The following PARD3B variants were observed in gnomAD, a reference collection of about 807,000 sequenced individuals.
The protein encoded by PARD3B is par-3 family cell polarity regulator beta.
In PARD3B, 103 loss-of-function variants were observed where a neutral mutation model predicts 130.2. The observed-to-expected ratio is 0.79, with a 90% CI of 0.67 to 0.93. The LOEUF is 0.93. Among genes scored for constraint, PARD3B ranks in the 40% least tolerant of loss-of-function variants. The pLI, the probability that PARD3B is intolerant of heterozygous loss-of-function variation, is 0.00. For missense variants in PARD3B, 1,609 were observed against 1,499.2 expected (o/e 1.07, Z -1.21); for synonymous variants, 583 against 553.2 (o/e 1.05, Z -0.76).
At chr2:204,884,811 T>C (rs989443845) in intron 2 of PARD3B, among the ~76,000 whole-genome samples, 1 of 152,248 alleles carries the variant, frequency 6.6e-6, no homozygotes, top group Admixed American at 6.5e-5. Flanking sequence ...GGACATTATC[T>C]CATTCCTTTT....
rs571551815 is a variant in PARD3B at position 205,341,816 on chromosome 2, A to G, written c.2630+40115A>G. On this transcript the variant is annotated intron_variant, in intron 18 of 22. Coordinates refer to ENST00000406610, the MANE Select transcript of PARD3B (RefSeq NM_001302769.2). The surrounding 1 kb of genome is among the most constrained non-coding windows in gnomAD (Gnocchi z 4.3). ...TTGTCATTATACATTATATGTGCAT[A>G]TTAAAATATCACTCTGTATTACTCC... 6.6e-6 allele frequency among the ~76,000 whole-genome samples: 1 copy of G among 152,290 alleles called. No homozygotes were observed. The highest frequency in any genetic ancestry group is 6.5e-5 in the Admixed American group (1 of 15,304).
At chr2:204,826,741 T>A (rs1262041014) in intron 2 of PARD3B, among the ~76,000 whole-genome samples, 2 of 152,212 alleles carry the variant, frequency 1.3e-5, no homozygotes, top group Non-Finnish European at 2.9e-5. Flanking sequence ...CATTCTCGGC[T>A]GGGCATGGTG....
chr2:205,607,241 A>G (rs2055034782), intron 22 of PARD3B, among the ~76,000 whole-genome samples: 1 of 99,200 alleles, frequency 1.0e-5, no homozygotes, highest in Non-Finnish European at 2.6e-5. Flanking sequence ...ACCCATTGGA[A>G]AAAAAAAAAA....
chr2:205,088,863 A>G (rs10193412), intron 4 of PARD3B, among the ~76,000 whole-genome samples: 149,487 of 151,286 alleles, frequency 0.99, 73,885 homozygotes, highest in Middle Eastern at 1. Context: ...GCCTGATCTC[A>G]GCTCACTGCA....
chr2:205,533,449 A>AATG (rs1262531658), intron 21 of PARD3B, among the ~76,000 whole-genome samples: 1 of 152,198 alleles, frequency 6.6e-6, no homozygotes, highest in Admixed American at 6.5e-5. Context: ...AATTCAAAAT[A>AATG]ATGAATTTGG....
intron 21 of PARD3B, among the ~76,000 whole-genome samples, chr2:205,520,312 G>C (rs6718071): frequency 0.41 from 62,302 of 151,980 alleles, 13,250 homozygotes; most frequent in Admixed American, 0.5. Flanking sequence ...AAACATGGGA[G>C]ATGGACTGTC....
intron 1 of PARD3B, among the ~76,000 whole-genome samples, chr2:204,582,525 T>C (rs936145945): frequency 6.6e-6 from 1 of 152,084 alleles, no homozygotes; most frequent in African/African-American, 2.4e-5. Flanking sequence ...TTTCACACTA[T>C]TAAAAGAGTG....
chr2:205,405,444 G>T lies in PARD3B; in HGVS notation c.2741+4321G>T, dbSNP rs1405994955. On this transcript the variant is annotated intron_variant, in intron 19 of 22. Coordinates refer to ENST00000406610, the MANE Select transcript of PARD3B (RefSeq NM_001302769.2). This position sits in a 1 kb window ranked among gnomAD's most constrained non-coding sequence, Gnocchi z 4.1. ...ATCTCCAGGCTTCACAAAGAGCAAG[G>T]TACTCTCCTAGACATCAGAATTGCA... 2.0e-5 allele frequency among the ~76,000 whole-genome samples: 3 copies of T among 152,072 alleles called. No individual in the cohort carries two copies. Among genetic ancestry groups the T allele is most frequent in the Non-Finnish European group, 4.4e-5 (3 of 68,030 alleles).
chr2:205,002,209 T>A (rs1694900884), intron 3 of PARD3B, among the ~76,000 whole-genome samples: 1 of 152,118 alleles, frequency 6.6e-6, no homozygotes, highest in Non-Finnish European at 1.5e-5. Context: ...CATAAATAAG[T>A]TTTGGCCGTC....
At chr2:205,504,381 A>G (rs571355300) in intron 21 of PARD3B, among the ~76,000 whole-genome samples, 2 of 151,696 alleles carry the variant, frequency 1.3e-5, no homozygotes, top group Non-Finnish European at 2.9e-5. Context: ...ACAAAAGCCA[A>G]CATTGACAAA....
chr2:204,883,304 A>C (rs911070377), intron 2 of PARD3B, among the ~76,000 whole-genome samples: 12 of 149,494 alleles, frequency 8.0e-5, no homozygotes, highest in Non-Finnish European at 1.8e-4. Context: ...GTTGAGACCT[A>C]AATTGTTGCT....
Position 205,300,175 on chromosome 2 carries a change from T to C in PARD3B, c.2186-355T>C, listed in dbSNP as rs2041944348. On this transcript the variant is annotated intron_variant, in intron 16 of 22. Coordinates refer to ENST00000406610, the MANE Select transcript of PARD3B (RefSeq NM_001302769.2). This position sits in a 1 kb window ranked among gnomAD's most constrained non-coding sequence, Gnocchi z 4.1. ...GTGTATGTGGGTATTCTCACATATG[T>C]GAAATCACTCTCATTCACATACATA... is the stretch of plus-strand genomic sequence containing the variant. Among the ~76,000 whole-genome samples, 6 of 152,220 alleles carry C rather than the reference T, an allele frequency of 3.9e-5. No individual in the cohort carries two copies. Among genetic ancestry groups the C allele is most frequent in the Admixed American group, 1.3e-4 (2 of 15,274 alleles).
intron 19 of PARD3B, among the ~76,000 whole-genome samples, chr2:205,408,496 C>T (rs531842874): frequency 2.6e-5 from 4 of 151,926 alleles, no homozygotes; most frequent in Admixed American, 6.6e-5. Context: ...TTATTAGAGT[C>T]GAAGAAGGAA....
At chr2:204,981,862 AGTG>A (rs1413971593) in intron 3 of PARD3B, among the ~76,000 whole-genome samples, 1 of 152,156 alleles carries the variant, frequency 6.6e-6, no homozygotes, top group Admixed American at 6.5e-5. Flanking sequence ...GGGAGTGAGT[AGTG>A]CAGATTGGTT....
chr2:204,732,748 G>A (rs1190019023), intron 2 of PARD3B, among the ~76,000 whole-genome samples: 1 of 152,044 alleles, frequency 6.6e-6, no homozygotes, highest in Non-Finnish European at 1.5e-5. Context: ...CCTTACTTAT[G>A]GATACTTGGC....
At chr2:205,305,021 A>G (rs2042140932) in intron 18 of PARD3B, among the ~76,000 whole-genome samples, 1 of 152,246 alleles carries the variant, frequency 6.6e-6, no homozygotes, top group Admixed American at 6.5e-5. Context: ...TTAGTGATTC[A>G]TAAATTGGTC....
At chr2:205,153,543 T>G (rs201902345) in intron 10 of PARD3B, among the ~76,000 whole-genome samples, 8 of 152,124 alleles carry the variant, frequency 5.3e-5, no homozygotes, top group African/African-American at 1.9e-4. Context: ...TGGAAAAAAC[T>G]ACTTTAAAGT....
At position 204,971,215 on chromosome 2, in the gene PARD3B, A is replaced by G. The variant is rs149624252; in HGVS notation, c.394+5892A>G. 5.3e-5 allele frequency among the ~76,000 whole-genome samples: 8 copies of G among 152,328 alleles called. No homozygotes were observed. In the East Asian group the frequency reaches 1.3e-3, roughly 26 times the overall value. ...GCTGATCTTCAGGAAAACGTAAAGA[A>G]AGGGGAAGTTTATTCCTTTAATTAG... On this transcript the variant is annotated intron_variant, in intron 3 of 22. Transcript: ENST00000406610.
chr2:205,042,588 T>C (rs1483335297), intron 3 of PARD3B, among the ~76,000 whole-genome samples: 1 of 152,038 alleles, frequency 6.6e-6, no homozygotes, highest in Non-Finnish European at 1.5e-5. Flanking sequence ...TCTCTTTGGC[T>C]TCCATTCAGT....
Sources: gnomAD v4.1 joint callset for allele counts (sites outside exome capture counted in the v4.1 genomes callset) on GRCh38, gnomAD v4.1.1 for gene constraint, Gnocchi (gnomAD v3.1) non-coding constraint, MANE v1.5 for transcripts, NCBI Gene and HGNC (gene_info 2026-07-23, HGNC 2026-07-21) for gene names.